Variants in CTNNA2 observed in about 807,000 individuals in gnomAD.
CTNNA2 encodes catenin alpha-2.
CTNNA2 carries 42 observed loss-of-function variants against 101.0 expected under a neutral mutation model. That is an observed-to-expected ratio of 0.42 (90% CI 0.32 to 0.54). The LOEUF (loss-of-function observed/expected upper bound fraction) is 0.54, where lower values mean the gene tolerates loss of function less well. Among genes scored for constraint, CTNNA2 ranks in the 20% least tolerant of loss-of-function variants. CTNNA2 has a pLI of 0.14. For missense variants in CTNNA2, 871 were observed against 1,223.1 expected, an observed-to-expected ratio of 0.71 and a Z score of 4.29; for synonymous variants, 450 against 456.4, an observed-to-expected ratio of 0.99 and a Z score of 0.18.
chr2:79,825,210 A>G (rs1271967820), intron 3 of CTNNA2, among the ~76,000 whole-genome samples: 3 of 152,180 alleles, frequency 2.0e-5, no homozygotes, highest in Admixed American at 1.3e-4. Context: ...TGTTGATGGC[A>G]TAAGAGAGAC....
At chr2:79,679,629 G>A (rs551303316) in intron 2 of CTNNA2, among the ~76,000 whole-genome samples, 10 of 152,118 alleles carry the variant, frequency 6.6e-5, no homozygotes, top group Admixed American at 5.2e-4. Context: ...AGCTGACACC[G>A]CCCAGGGGAG....
intron 4 of CTNNA2, among the ~76,000 whole-genome samples, chr2:79,482,860 T>G (rs887542442): frequency 6.6e-6 from 1 of 152,046 alleles, no homozygotes; most frequent in Non-Finnish European, 1.5e-5. Context: ...TGAAGATAGT[T>G]TTGGTGGAGG....
chr2:79,943,276 T>TA (rs1298663001), intron 7 of CTNNA2, among the ~76,000 whole-genome samples: 1 of 143,450 alleles, frequency 7.0e-6, no homozygotes, highest in African/African-American at 2.5e-5. Context: ...AAGAGAAAGT[T>TA]AAAAAGAAAG....
intron 7 of CTNNA2, among the ~76,000 whole-genome samples, chr2:80,016,334 C>T (rs762618060): frequency 6.6e-5 from 10 of 152,022 alleles, no homozygotes; most frequent in East Asian, 1.9e-4. Context: ...CAGTGCTGAG[C>T]GCTGGGTCAA....
At chr2:79,785,620 A>C (rs532256977) in intron 3 of CTNNA2, among the ~76,000 whole-genome samples, 16 of 152,218 alleles carry the variant, frequency 1.1e-4, no homozygotes, top group Non-Finnish European at 1.5e-4. Flanking sequence ...TTATTTTTCT[A>C]TATTTTCCAG....
chr2:79,674,296 C>A (rs1331176820), intron 2 of CTNNA2, among the ~76,000 whole-genome samples: 2 of 152,070 alleles, frequency 1.3e-5, no homozygotes, highest in Non-Finnish European at 2.9e-5. Context: ...GAATTTTATT[C>A]TTTTGAGAGA....
At chr2:80,141,230 C>T (rs928505679) in intron 7 of CTNNA2, among the ~76,000 whole-genome samples, 2 of 151,974 alleles carry the variant, frequency 1.3e-5, no homozygotes, top group African/African-American at 2.4e-5. Flanking sequence ...CTGACATCCT[C>T]ACCAAGAAAG....
intron 4 of CTNNA2, among the ~76,000 whole-genome samples, chr2:79,412,687 T>A (rs537647113): frequency 6.6e-6 from 1 of 152,184 alleles, no homozygotes; most frequent in South Asian, 2.1e-4. Context: ...AAGATGTTCT[T>A]TGAAGCCAAC....
chr2:79,473,878 A>G (rs1198379409), intron 4 of CTNNA2, among the ~76,000 whole-genome samples: 1 of 152,178 alleles, frequency 6.6e-6, no homozygotes, highest in African/African-American at 2.4e-5. Context: ...AAGGTTCTAA[A>G]GCAGCTTTGT....
chr2:80,243,713 A>G (rs774599136), intron 7 of CTNNA2, among the ~76,000 whole-genome samples: 1 of 152,212 alleles, frequency 6.6e-6, no homozygotes, highest in Non-Finnish European at 1.5e-5. Context: ...TAACAAATAA[A>G]GTTGCTAGGG....
At chr2:80,285,867 A>G (rs903098419) in intron 7 of CTNNA2, among the ~76,000 whole-genome samples, 1 of 152,160 alleles carries the variant, frequency 6.6e-6, no homozygotes, top group African/African-American at 2.4e-5. Flanking sequence ...ACGGATATAA[A>G]ATTCCCTATA....
At chr2:80,598,128 A>T (rs536237048) in intron 15 of CTNNA2, among the ~76,000 whole-genome samples, 9 of 152,342 alleles carry the variant, frequency 5.9e-5, no homozygotes, top group Admixed American at 3.9e-4. Flanking sequence ...ATCCAGCCAT[A>T]AAGAAGAATG....
intron 1 of CTNNA2, chr2:79,649,462 G>C (rs1043378802): frequency 1.3e-5 from 2 of 154,756 alleles, no homozygotes; most frequent in Non-Finnish European, 2.9e-5. Flanking sequence ...TGCAACAGCT[G>C]TATCATAAGT....
chr2:80,191,231 G>T (rs1249030419), intron 7 of CTNNA2, among the ~76,000 whole-genome samples: 1 of 152,120 alleles, frequency 6.6e-6, no homozygotes, highest in Non-Finnish European at 1.5e-5. Context: ...CAGAATAGTA[G>T]GAGATATGAA....
intron 7 of CTNNA2, among the ~76,000 whole-genome samples, chr2:79,915,764 A>G (rs965118751): frequency 6.6e-6 from 1 of 152,200 alleles, no homozygotes; most frequent in Non-Finnish European, 1.5e-5. Flanking sequence ...ATGTTTATTT[A>G]TATTCATTTT....
chr2:79,849,497 A>G (rs1680504795), intron 3 of CTNNA2, among the ~76,000 whole-genome samples: 1 of 152,138 alleles, frequency 6.6e-6, no homozygotes, highest in African/African-American at 2.4e-5. Flanking sequence ...CCTGAGCCTT[A>G]GAGAAAAATT....
chr2:80,112,440 A>T (rs1459367141), intron 7 of CTNNA2, among the ~76,000 whole-genome samples: 2 of 152,178 alleles, frequency 1.3e-5, no homozygotes, highest in Non-Finnish European at 2.9e-5. Context: ...ATGGACTGTG[A>T]TGGGGATATA....
intron 8 of CTNNA2, among the ~76,000 whole-genome samples, chr2:80,417,550 T>C (rs1559092425): frequency 6.6e-6 from 1 of 151,972 alleles, no homozygotes. Context: ...TCTTATGGCA[T>C]TTGATGTGGT....
intron 7 of CTNNA2, among the ~76,000 whole-genome samples, chr2:80,060,665 T>A (rs1213768755): frequency 6.6e-6 from 1 of 152,308 alleles, no homozygotes; most frequent in Non-Finnish European, 1.5e-5. Context: ...TACAGTTCTA[T>A]TGACCTGGAA....
Sources: allele counts gnomAD v4.1 joint callset (sites outside exome capture counted in the v4.1 genomes callset), GRCh38; gene constraint gnomAD v4.1.1; transcripts MANE v1.5; gene names NCBI Gene and HGNC (gene_info 2026-07-23, HGNC 2026-07-21).